NIM1K: variants seen among roughly 807,000 people sequenced by gnomAD.
The protein encoded by NIM1K is serine/threonine-protein kinase NIM1.
NIM1K carries 35 observed loss-of-function variants against 37.1 expected under a neutral mutation model. That is an observed-to-expected ratio of 0.94 (90% confidence interval 0.72 to 1.25). The LOEUF (loss-of-function observed/expected upper bound fraction) is 1.25. Ranked by LOEUF, NIM1K falls within the 50% of genes most tolerant of loss-of-function variation. NIM1K has a pLI of 0.00. For synonymous variants in NIM1K, 234 were observed against 206.6 expected (o/e 1.13, Z -1.14); for missense variants, 564 against 548.0 (o/e 1.03, Z -0.29).
At chr5:43,258,432 G>A (rs1407578735) in intron 2 of NIM1K, among the ~76,000 whole-genome samples, 2 of 150,670 alleles carry the variant, frequency 1.3e-5, no homozygotes, top group East Asian at 2.0e-4. Context: ...TAGTACAAGC[G>A]TTTTTGGTAA....
At chr5:43,215,579 G>T (rs1174657244) in intron 1 of NIM1K, among the ~76,000 whole-genome samples, 1 of 152,170 alleles carries the variant, frequency 6.6e-6, no homozygotes, top group Non-Finnish European at 1.5e-5. Flanking sequence ...AATCATAGGC[G>T]TGCGCCACCA....
At chr5:43,216,277 G>T (rs1752298865) in intron 1 of NIM1K, among the ~76,000 whole-genome samples, 1 of 151,528 alleles carries the variant, frequency 6.6e-6, no homozygotes, top group African/African-American at 2.4e-5. Context: ...TTTGCTCAGG[G>T]CTGGTACTAA....
chr5:43,220,659 T>C (rs186487236), intron 1 of NIM1K, among the ~76,000 whole-genome samples: 51 of 152,336 alleles, frequency 3.3e-4, no homozygotes, highest in East Asian at 1.5e-3. Context: ...ACAATATAAA[T>C]TTTAACTTAA....
intron 1 of NIM1K, among the ~76,000 whole-genome samples, chr5:43,228,171 G>T (rs1338152357): frequency 1.3e-5 from 2 of 150,692 alleles, no homozygotes; most frequent in East Asian, 1.9e-4. Context: ...TTTTGACTTG[G>T]AGTCTCGCTC....
intron 2 of NIM1K, among the ~76,000 whole-genome samples, chr5:43,266,872 T>C (rs1753170602): frequency 6.6e-6 from 1 of 152,228 alleles, no homozygotes; most frequent in Non-Finnish European, 1.5e-5. Context: ...GTTGAGGACT[T>C]TTGCATCTAT....
At chr5:43,211,425 C>A (rs1752202797) in intron 1 of NIM1K, among the ~76,000 whole-genome samples, 1 of 152,168 alleles carries the variant, frequency 6.6e-6, no homozygotes, top group Non-Finnish European at 1.5e-5. Context: ...CAGATAGGAA[C>A]TTCAGCTTTC....
chr5:43,262,317 T>C (rs1338994718), intron 2 of NIM1K, among the ~76,000 whole-genome samples: 1 of 152,200 alleles, frequency 6.6e-6, no homozygotes, highest in Non-Finnish European at 1.5e-5. Flanking sequence ...CTTGAAGAGG[T>C]CCTTCACATC....
intron 2 of NIM1K, among the ~76,000 whole-genome samples, chr5:43,253,213 TGTGTGTGTGTGTGTGTG>T (rs1752894375): frequency 1.7e-5 from 1 of 60,354 alleles, no homozygotes; most frequent in African/African-American, 6.4e-5. Flanking sequence ...ATATAATATA[TGTGTGTGTGTGTGTGTG>T]TGTGTGTGTG....
intron 1 of NIM1K, chr5:43,206,746 G>C: frequency 1.3e-6 from 1 of 749,378 alleles, no homozygotes; most frequent in South Asian, 1.4e-5. Flanking sequence ...TTCATGCTTG[G>C]CACCAAAGCT....
chr5:43,214,598 G>A lies in NIM1K; in HGVS notation c.-695+22187G>A, dbSNP rs375917627. Among the ~76,000 whole-genome samples, 8 of 151,334 alleles carry A rather than the reference G, an allele frequency of 5.3e-5. No individual in the cohort carries two copies. The East Asian group carries it at 1.2e-3, about 22-fold the overall frequency. ...TGGGAGGCCGAAGCGGGCGGATCACGAGGTCAGGAAATCGAGACCATCCTG... is the reference window on the plus strand; with the variant it reads ...TGGGAGGCCGAAGCGGGCGGATCACAAGGTCAGGAAATCGAGACCATCCTG... On this transcript the variant is annotated intron_variant, in intron 1 of 3. Coordinates refer to ENST00000326035, the MANE Select transcript of NIM1K (RefSeq NM_153361.4).
chr5:43,276,971 A>G lies in NIM1K; in HGVS notation c.293-86A>G, dbSNP rs952072026. 8 of 1,353,500 alleles carry G rather than the reference A, an allele frequency of 5.9e-6. No homozygotes were observed. In the African/African-American group the frequency reaches 1.0e-4, roughly 17 times the overall value. The allele number at this position is 1,353,500 out of a possible 1,614,324, so 83.8% of individuals were successfully genotyped here. On this transcript the variant is annotated intron_variant, in intron 2 of 3. Transcript: ENST00000326035. ...TGGGAACAGCCACTCTCTGTCTAGT[A>G]AAGGAAAGGAGCTGATCCAGGTCCT...
At chr5:43,272,608 G>T (rs1363203723) in intron 2 of NIM1K, among the ~76,000 whole-genome samples, 1 of 152,128 alleles carries the variant, frequency 6.6e-6, no homozygotes, top group African/African-American at 2.4e-5. Context: ...GTGTCTAGAA[G>T]GAAAGCCTCA....
At chr5:43,233,013 A>T in intron 1 of NIM1K, 2 of 1,210,396 alleles carry the variant, frequency 1.7e-6, no homozygotes, top group South Asian at 2.4e-5. Context: ...AGCCCGTCTC[A>T]CTGAAGAAGC....
intron 1 of NIM1K, among the ~76,000 whole-genome samples, chr5:43,224,306 G>A (rs1210183448): frequency 6.6e-6 from 1 of 152,010 alleles, no homozygotes; most frequent in Non-Finnish European, 1.5e-5. Context: ...GACCCCTGAA[G>A]TACAGTTCAT....
At chr5:43,279,119 G>A (rs1753398645) in intron 3 of NIM1K, among the ~76,000 whole-genome samples, 1 of 152,200 alleles carries the variant, frequency 6.6e-6, no homozygotes, top group Admixed American at 6.5e-5. Context: ...AACAGGAAGT[G>A]TGTTTCATAG....
intron 1 of NIM1K, chr5:43,233,310 C>CT (rs1752568937): frequency 1.6e-5 from 4 of 246,958 alleles, no homozygotes; most frequent in South Asian, 7.7e-5. Context: ...AAGAGTGACA[C>CT]TTAAAAAAAA....
At chr5:43,220,732 T>G (rs371640389) in intron 1 of NIM1K, among the ~76,000 whole-genome samples, 1 of 152,256 alleles carries the variant, frequency 6.6e-6, no homozygotes, top group African/African-American at 2.4e-5. Flanking sequence ...TTTATTCCTT[T>G]GCAGCTCCAT....
rs552680749 is a variant in NIM1K, at chr5:43,249,727, G to A, written c.292+3660G>A. Among the ~76,000 whole-genome samples the A allele has an allele frequency of 1.1e-4, 17 of 152,252 alleles. No individual in the cohort carries two copies. In the East Asian group the frequency reaches 2.9e-3, roughly 26 times the overall value. On this transcript the variant is annotated intron_variant, in intron 2 of 3. Coordinates refer to ENST00000326035, the MANE Select transcript of NIM1K (RefSeq NM_153361.4). Reference sequence around the variant, plus strand: ...AGGGCATGAGGTCAGACCAGGATTTGCATTGAGAAGATTGTAGAAATGGAT... The same window carrying A: ...AGGGCATGAGGTCAGACCAGGATTTACATTGAGAAGATTGTAGAAATGGAT...
intron 3 of NIM1K, among the ~76,000 whole-genome samples, chr5:43,278,971 G>A (rs900189608): frequency 6.6e-6 from 1 of 152,206 alleles, no homozygotes; most frequent in Non-Finnish European, 1.5e-5. Context: ...CCAAGTAATA[G>A]AACAGATGGG....
Sources: gnomAD v4.1 joint callset for allele counts (sites outside exome capture counted in the v4.1 genomes callset) on GRCh38, gnomAD v4.1.1 for gene constraint, MANE v1.5 for transcripts, NCBI Gene and HGNC (gene_info 2026-07-23, HGNC 2026-07-21) for gene names.